AHI1: variants seen among roughly 807,000 people sequenced by gnomAD.
The protein encoded by AHI1 is Abelson helper integration site 1.
AHI1 carries 123 observed loss-of-function variants against 149.3 expected under a neutral mutation model. The ratio of observed to expected loss-of-function variants is 0.82; its 90% CI spans 0.71 to 0.96. The LOEUF (loss-of-function observed/expected upper bound fraction) is 0.96, where lower values mean the gene tolerates loss of function less well. Ranked by LOEUF, AHI1 falls within the 40% of genes least tolerant of loss-of-function variation. AHI1 has a pLI of 0.00. For missense variants in AHI1, 1,439 were observed against 1,422.7 expected, an observed-to-expected ratio of 1.01 and a Z score of -0.18; for synonymous variants, 475 against 459.8, an observed-to-expected ratio of 1.03 and a Z score of -0.42.
At chr6:135,482,604 T>C (rs775381092) in intron 5 of AHI1, among the ~76,000 whole-genome samples, 51 of 152,144 alleles carry the variant, frequency 3.4e-4, no homozygotes, top group Non-Finnish European at 7.2e-4. Flanking sequence ...ATTTTTTTAA[T>C]CTGTAGAAGT....
chr6:135,376,881 C>CAAAAAAAAAAA (rs1167083326), intron 23 of AHI1, among the ~76,000 whole-genome samples: 8 of 29,438 alleles, frequency 2.7e-4, no homozygotes, highest in African/African-American at 6.4e-4. Flanking sequence ...GACTCCATCT[C>CAAAAAAAAAAA]AAAAAAAAAA....
chr6:135,290,390 C>T, intron 28 of AHI1, 33 bp downstream of exon 28: 1 of 1,254,216 alleles, frequency 8.0e-7, no homozygotes, highest in Non-Finnish European at 1.2e-6. Context: ...CTGTTGACAA[C>T]ATAGCGCAAC....
intron 26 of AHI1, among the ~76,000 whole-genome samples, chr6:135,309,219 G>A (rs1219849832): frequency 1.3e-5 from 2 of 152,060 alleles, no homozygotes; most frequent in Non-Finnish European, 2.9e-5. Flanking sequence ...TGTTGGGAGT[G>A]GAATCTATGG....
intron 23 of AHI1, among the ~76,000 whole-genome samples, chr6:135,389,908 T>C (rs1778224980): frequency 1.3e-5 from 2 of 152,242 alleles, no homozygotes; most frequent in African/African-American, 4.8e-5. Context: ...TTTTAAAACT[T>C]AGTTTTACAG....
At position 135,497,178 on chromosome 6, in the gene AHI1, A is replaced by G. The variant is rs966688200; in HGVS notation, c.-140+10T>C. 3 of 152,236 alleles carry G rather than the reference A, an allele frequency of 2.0e-5. No homozygotes were observed. Among genetic ancestry groups the G allele is most frequent in the African/African-American group, 7.2e-5 (3 of 41,470 alleles). 9.4% of individuals were successfully genotyped at this position (152,236 alleles called of 1,614,324 possible). ...TAATTTGGCTCTTATAAATATAACA[A>G]ATTGATCACCTTTTCTCAGACATAA... On this transcript the variant is annotated intron_variant, in intron 2 of 28. Coordinates refer to ENST00000265602, the MANE Select transcript of AHI1 (RefSeq NM_001134831.2).
intron 23 of AHI1, among the ~76,000 whole-genome samples, chr6:135,372,765 T>C (rs1305081622): frequency 1.3e-5 from 2 of 152,106 alleles, no homozygotes; most frequent in East Asian, 1.9e-4. Flanking sequence ...GAAAGTAAAT[T>C]AGAAGGTAGG....
intron 20 of AHI1, among the ~76,000 whole-genome samples, chr6:135,422,619 T>TTATGTATGTATGTATG (rs71006761): frequency 1.4e-5 from 2 of 147,840 alleles, no homozygotes; most frequent in East Asian, 2.0e-4. Context: ...AGTTTTATTT[T>TTATGTATGTATGTATG]TATGTATGTA....
chr6:135,316,527 C>G (rs779699729), intron 26 of AHI1, among the ~76,000 whole-genome samples: 55 of 152,232 alleles, frequency 3.6e-4, no homozygotes, highest in Non-Finnish European at 6.8e-4. Context: ...CAACTATACT[C>G]TTCTTGAACC....
At chr6:135,417,562 T>C (rs1782559138) in intron 20 of AHI1, among the ~76,000 whole-genome samples, 1 of 152,042 alleles carries the variant, frequency 6.6e-6, no homozygotes, top group Non-Finnish European at 1.5e-5. Context: ...TTCCAGGTAT[T>C]AATATGCCTT....
chr6:135,338,869 C>T (rs1316394384), intron 24 of AHI1, among the ~76,000 whole-genome samples: 2 of 151,878 alleles, frequency 1.3e-5, no homozygotes, highest in Non-Finnish European at 2.9e-5. Flanking sequence ...AAAGAAATGT[C>T]ACTTTATGAC....
Position 135,466,254 on chromosome 6 carries a change from G to T in AHI1, c.309C>A (p.Asn103Lys). 1 of 1,613,920 alleles carries T rather than the reference G, an allele frequency of 6.2e-7. No homozygotes were observed. The highest frequency in any genetic ancestry group is 1.1e-5 in the South Asian group (1 of 91,078). Reference sequence around the variant, plus strand: ...TAGGATTTTCAGTTGCTAACTGTGTGTTCCTCAATTTGTTTTTAGTGACTC... The same window carrying T: ...TAGGATTTTCAGTTGCTAACTGTGTTTTCCTCAATTTGTTTTTAGTGACTC... ...STRVTKNKLR[N>K]TQLATENPNG... The change falls in exon 7 of 29, where the codon AAC becomes AAA. Residue 103 changes from asparagine to lysine, a missense_variant. Coordinates refer to ENST00000265602, the MANE Select transcript of AHI1 (RefSeq NM_001134831.2).
At chr6:135,289,145 C>T (rs544679636) in intron 28 of AHI1, among the ~76,000 whole-genome samples, 5 of 151,130 alleles carry the variant, frequency 3.3e-5, no homozygotes, top group Non-Finnish European at 7.4e-5. Flanking sequence ...CGTTTTTCTA[C>T]TGGTGTATTT....
In AHI1 at chr6:135,411,509, T is replaced by C. The variant is rs1365944374; in HGVS notation, c.2800A>G (p.Asn934Asp). The change falls in exon 21 of 29, where the codon AAT becomes GAT. Residue 934 changes from asparagine (N) to aspartate (D), a missense_variant. Asn to Asp is a conservative substitution (Grantham distance 23). Coordinates refer to ENST00000265602, the MANE Select transcript of AHI1 (RefSeq NM_001134831.2). ...QQEAEMFKRYNGTFPLPGIHQ... is the reference protein window; with the variant it reads ...QQEAEMFKRYDGTFPLPGIHQ... ...ATTCCAGGTAATGGAAATGTTCCAT[T>C]GTAGCGTTTGAACATTTCAGCCTCC... 2 of 1,604,526 alleles carry C rather than the reference T, an allele frequency of 1.2e-6. No individual in the cohort carries two copies. The highest frequency in any genetic ancestry group is 1.7e-6 in the Non-Finnish European group (2 of 1,174,722).
At chr6:135,479,084 G>A (rs1430792199) in intron 5 of AHI1, among the ~76,000 whole-genome samples, 1 of 152,264 alleles carries the variant, frequency 6.6e-6, no homozygotes, top group Non-Finnish European at 1.5e-5. Context: ...GGATGTCCAG[G>A]TAGAAGTCCA....
Position 135,408,585 on chromosome 6 carries a change from C to T in AHI1, c.2961+2763G>A, listed in dbSNP as rs147859371. ...GAATGTAATCTGCATCCTGATACAC[C>T]TTCAAGTCTCTAACTTTAGAAAGAA... On this transcript the variant is annotated intron_variant, in intron 21 of 28. Transcript: ENST00000265602. 3.2e-3 allele frequency among the ~76,000 whole-genome samples: 490 copies of T among 152,118 alleles called. 3 individuals are homozygous for T. The highest frequency in any genetic ancestry group is 0.011 in the African/African-American group (448 of 41,516).
chr6:135,438,010 C>T (rs1034218157), intron 15 of AHI1, among the ~76,000 whole-genome samples: 9 of 152,124 alleles, frequency 5.9e-5, no homozygotes, highest in Non-Finnish European at 1.2e-4. Context: ...ATTCTACCCT[C>T]TGCAAATCCA....
At chr6:135,295,466 A>C in intron 27 of AHI1, among the ~76,000 whole-genome samples, 1 of 151,990 alleles carries the variant, frequency 6.6e-6, no homozygotes, top group Admixed American at 6.5e-5. Context: ...ATATGATGTT[A>C]AACAAACAAA....
intron 24 of AHI1, among the ~76,000 whole-genome samples, chr6:135,352,872 G>C (rs1792373309): frequency 6.7e-6 from 1 of 148,774 alleles, no homozygotes; most frequent in Non-Finnish European, 1.5e-5. Flanking sequence ...ACCAGTGCTA[G>C]GTATGGTACT....
At chr6:135,410,710 A>G (rs1781463520) in intron 21 of AHI1, among the ~76,000 whole-genome samples, 1 of 152,306 alleles carries the variant, frequency 6.6e-6, no homozygotes, top group South Asian at 2.1e-4. Flanking sequence ...TGTCTTTCTA[A>G]AATCAAAATC....
Sources: gnomAD v4.1 joint callset for allele counts (sites outside exome capture counted in the v4.1 genomes callset) on GRCh38, gnomAD v4.1.1 for gene constraint, MANE v1.5 for transcripts, NCBI Gene and HGNC (gene_info 2026-07-23, HGNC 2026-07-21) for gene names.